TTYH2: variants seen among roughly 807,000 people sequenced by gnomAD.
TTYH2 encodes tweety family member 2.
In TTYH2, 49 loss-of-function variants were observed where a neutral mutation model predicts 68.3. That is an observed-to-expected ratio of 0.72 (90% confidence interval 0.57 to 0.91). TTYH2 has a LOEUF of 0.91. Among genes scored for constraint, TTYH2 ranks in the 40% least tolerant of loss-of-function variants. The pLI, the probability that TTYH2 is intolerant of heterozygous loss-of-function variation, is 0.00. For missense variants in TTYH2, 631 were observed against 700.4 expected, an observed-to-expected ratio of 0.90 and a Z score of 1.12; for synonymous variants, 272 against 300.8, an observed-to-expected ratio of 0.90 and a Z score of 0.99.
Position 74,222,788 on chromosome 17 carries a change from C to A in TTYH2, c.302+131C>A. ...GCTTGTCCCCAGATGAATGTTGTCC[C>A]TTTTTTTTTTTTTACCAAGCATCAG... On this transcript the variant is annotated intron_variant, in intron 2 of 13. Transcript: ENST00000269346. This position sits in a 1 kb window ranked among gnomAD's most constrained non-coding sequence, Gnocchi z 5.2. 1.1e-6 allele frequency: 1 copy of A among 936,160 alleles called. No individual in the cohort carries two copies. Among genetic ancestry groups the A allele is most frequent in the Non-Finnish European group, 1.5e-6 (1 of 680,970 alleles). 58.0% of individuals were successfully genotyped at this position (936,160 alleles called of 1,614,324 possible). A position where few individuals can be genotyped will look rare whatever the true frequency, so the allele number is the denominator to read the frequency against.
Position 74,253,925 on chromosome 17 carries a change from A to C in TTYH2, c.1524+92A>C. ...TGAATCCTGTCCACAAAGGCAGAAA[A>C]GAATGAAACTGTTCTGTTATTGAAT... On this transcript the variant is annotated intron_variant, in intron 13 of 13. Transcript: ENST00000269346. 4.5e-6 allele frequency: 6 copies of C among 1,340,014 alleles called. No homozygotes were observed. The East Asian group carries it at 1.4e-4, about 31-fold the overall frequency. The allele number at this position is 1,340,014 out of a possible 1,614,324, so 83.0% of individuals were successfully genotyped here.
At position 74,236,198 on chromosome 17, in the gene TTYH2, G is replaced by T. The variant is rs552525628; in HGVS notation, c.415-1096G>T. On this transcript the variant is annotated intron_variant, in intron 3 of 13. Coordinates refer to ENST00000269346, the MANE Select transcript of TTYH2 (RefSeq NM_032646.6). Reference sequence around the variant, plus strand: ...ATGTGAATACAAGGAGAAGGCGCCGGTTTCCTCCTCCTGCCTCATGTCCAG... The same window carrying T: ...ATGTGAATACAAGGAGAAGGCGCCGTTTTCCTCCTCCTGCCTCATGTCCAG... Among the ~76,000 whole-genome samples, 40 of 152,276 alleles carry T rather than the reference G, an allele frequency of 2.6e-4. 2 individuals carry two copies. In the South Asian group the frequency reaches 4.1e-3, roughly 16 times the overall value.
intron 1 of TTYH2, among the ~76,000 whole-genome samples, chr17:74,220,350 A>G (rs927629111): frequency 8.5e-5 from 13 of 152,234 alleles, no homozygotes; most frequent in African/African-American, 2.7e-4. Flanking sequence ...ACACTAATCC[A>G]GTGCTGCCCA....
chr17:74,223,384 C>G (rs2050298571), intron 2 of TTYH2, among the ~76,000 whole-genome samples: 1 of 152,058 alleles, frequency 6.6e-6, no homozygotes, highest in Non-Finnish European at 1.5e-5. Flanking sequence ...CCTCAGCCTC[C>G]AAAAGTGCTG....
rs1028823559 is a variant in TTYH2, at chr17:74,232,435, C to T, written c.414+1436C>T. Among the ~76,000 whole-genome samples the T allele has an allele frequency of 1.3e-5, 2 of 152,194 alleles. No individual in the cohort carries two copies. Among genetic ancestry groups the T allele is most frequent in the African/African-American group, 4.8e-5 (2 of 41,460 alleles). ...ACTGGGACCCATCCCCTTAGCTGAG[C>T]GCTGAGTCCCAGTGCGGAGATGCTA... On this transcript the variant is annotated intron_variant, in intron 3 of 13. Transcript: ENST00000269346. This position sits in a 1 kb window ranked among gnomAD's most constrained non-coding sequence, Gnocchi z 5.1.
intron 6 of TTYH2, 45 bp from the exon 7 acceptor site, chr17:74,248,966 T>G: frequency 6.2e-7 from 1 of 1,613,670 alleles, no homozygotes; most frequent in Non-Finnish European, 8.5e-7. Context: ...CCCGCTGTCC[T>G]GATACCTGAT....
At position 74,217,013 on chromosome 17, in the gene TTYH2, A is replaced by C. The variant is rs992473733; in HGVS notation, c.129+3297A>C. ...TGTCCACTGGGCAGTGTTGGGGAGA[A>C]GGGAATGGGCACCTGGCACTGAATC... On this transcript the variant is annotated intron_variant, in intron 1 of 13. Coordinates refer to ENST00000269346, the MANE Select transcript of TTYH2 (RefSeq NM_032646.6). This position sits in a 1 kb window ranked among gnomAD's most constrained non-coding sequence, Gnocchi z 4.0. Among the ~76,000 whole-genome samples the C allele has an allele frequency of 4.6e-5, 7 of 152,232 alleles. No individual in the cohort carries two copies. Among genetic ancestry groups the C allele is most frequent in the Non-Finnish European group, 1.0e-4 (7 of 68,038 alleles).
intron 1 of TTYH2, among the ~76,000 whole-genome samples, chr17:74,221,009 G>C (rs767924901): frequency 6.6e-6 from 1 of 152,066 alleles, no homozygotes; most frequent in Non-Finnish European, 1.5e-5. Flanking sequence ...GCCCAGACTG[G>C]TCCTGAACTC....
In TTYH2 at chr17:74,261,334, G is replaced by A. The variant is rs906250324; in HGVS notation, c.*1125G>A. 3 of 152,214 alleles carry A rather than the reference G, an allele frequency of 2.0e-5. No individual in the cohort carries two copies. The highest frequency in any genetic ancestry group is 4.4e-5 in the Non-Finnish European group (3 of 68,060). The allele number at this position is 152,214 out of a possible 1,614,324, so 9.4% of individuals were successfully genotyped here. On this transcript the variant is annotated 3_prime_UTR_variant, in exon 14 of 14. Coordinates refer to ENST00000269346, the MANE Select transcript of TTYH2 (RefSeq NM_032646.6). ...AAAGCCAGAGTTCCCTGTTCTAGGG[G>A]ACTAGCCAAATGCCTACATCAGCTG... is the stretch of plus-strand genomic sequence containing the variant.
chr17:74,216,104 GA>G (rs2050219839), intron 1 of TTYH2, among the ~76,000 whole-genome samples: 1 of 152,206 alleles, frequency 6.6e-6, no homozygotes, highest in African/African-American at 2.4e-5. Flanking sequence ...GCCTAGTACA[GA>G]GAGTCCCATA....
Position 74,261,077 on chromosome 17 carries a change from T to C in TTYH2, c.*868T>C, listed in dbSNP as rs2143794966. 1 of 152,762 alleles carries C rather than the reference T, an allele frequency of 6.5e-6. No individual in the cohort carries two copies. Among genetic ancestry groups the C allele is most frequent in the Admixed American group, 6.5e-5 (1 of 15,298 alleles). The allele number at this position is 152,762 out of a possible 1,614,324, so 9.5% of individuals were successfully genotyped here. A position where few individuals can be genotyped will look rare whatever the true frequency, so the allele number is the denominator to read the frequency against. The stretch of plus-strand genomic sequence containing the variant: ...CCAAAGAATTGAAACTCCTAGCACA[T>C]CCAGTTTTTACAACAGATTTGCAGC... On this transcript the variant is annotated 3_prime_UTR_variant, in exon 14 of 14. Coordinates refer to ENST00000269346, the MANE Select transcript of TTYH2 (RefSeq NM_032646.6).
Position 74,222,501 on chromosome 17 carries a change from G to A in TTYH2, c.146G>A (p.Gly49Glu), listed in dbSNP as rs1350456956. 1.2e-6 allele frequency: 2 copies of A among 1,610,386 alleles called. No homozygotes were observed. The highest frequency in any genetic ancestry group is 2.2e-5 in the East Asian group (1 of 44,874). Reference sequence around the variant, plus strand: ...CTCTTCCAGTCGCTGCTGTTCCTGGGGCTGGTGGCCGCCGTCTGCCTGGGC... The same window carrying A: ...CTCTTCCAGTCGCTGCTGTTCCTGGAGCTGGTGGCCGCCGTCTGCCTGGGC... Reference protein sequence around the residue: ...ESYQESLLFLGLVAAVCLGLN... With the variant: ...ESYQESLLFLELVAAVCLGLN... Residue 49 changes from glycine to glutamate, a missense_variant, in exon 2 of 14, where the codon GGG becomes GAG. Transcript: ENST00000269346. This position sits in a 1 kb window ranked among gnomAD's most constrained non-coding sequence, Gnocchi z 5.2.
At chr17:74,220,363 C>T (rs1245785392) in intron 1 of TTYH2, among the ~76,000 whole-genome samples, 1 of 152,214 alleles carries the variant, frequency 6.6e-6, no homozygotes, top group African/African-American at 2.4e-5. Context: ...GCTGCCCAGA[C>T]TTTAATGGAA....
rs1216979529 is a variant in TTYH2, at chr17:74,215,482, T to C, written c.129+1766T>C. ...TGAACCTACCTCCAGCCTCTGCCCC[T>C]CCTCCCAGGATTCTGGCCCCGGCTC... is the stretch of plus-strand genomic sequence containing the variant. On this transcript the variant is annotated intron_variant, in intron 1 of 13. Transcript: ENST00000269346. The surrounding 1 kb of genome is among the most constrained non-coding windows in gnomAD (Gnocchi z 4.3). 1.4e-6 allele frequency: 1 copy of C among 706,270 alleles called. No homozygotes were observed. Among genetic ancestry groups the C allele is most frequent in the Non-Finnish European group, 2.3e-6 (1 of 430,788 alleles). The allele number at this position is 706,270 out of a possible 1,614,324, so 43.8% of individuals were successfully genotyped here. A position where few individuals can be genotyped will look rare whatever the true frequency, so the allele number is the denominator to read the frequency against.
intron 11 of TTYH2, 143 bp downstream of exon 11, chr17:74,252,519 T>C: frequency 4.6e-6 from 5 of 1,089,642 alleles, no homozygotes; most frequent in Non-Finnish European, 6.4e-6. Context: ...CCCAACAGGC[T>C]GGCTGACTTC....
intron 2 of TTYH2, among the ~76,000 whole-genome samples, chr17:74,227,679 T>C (rs61679163): frequency 1.8e-3 from 269 of 152,050 alleles, no homozygotes; most frequent in African/African-American, 6.1e-3. Context: ...ACTTATGCAG[T>C]GGATTTCTAA....
intron 3 of TTYH2, among the ~76,000 whole-genome samples, chr17:74,235,882 C>T (rs1193119703): frequency 2.2e-5 from 3 of 136,932 alleles, no homozygotes; most frequent in East Asian, 4.2e-4. Flanking sequence ...TGACACAGAG[C>T]GAGACTCCAT....
At chr17:74,249,173 C>A in intron 7 of TTYH2, 93 bp downstream of exon 7, 1 of 1,578,280 alleles carries the variant, frequency 6.3e-7, no homozygotes, top group South Asian at 1.1e-5. Flanking sequence ...GCCATCCAAC[C>A]CCTCCTCAAC....
In TTYH2 at chr17:74,215,518, G is replaced by A; in HGVS notation, c.129+1802G>A. 2.0e-6 allele frequency: 2 copies of A among 992,190 alleles called. No homozygotes were observed. The highest frequency in any genetic ancestry group is 3.1e-4 in the Middle Eastern group (1 of 3,188). 61.5% of individuals were successfully genotyped at this position (992,190 alleles called of 1,614,324 possible). On this transcript the variant is annotated intron_variant, in intron 1 of 13. Coordinates refer to ENST00000269346, the MANE Select transcript of TTYH2 (RefSeq NM_032646.6). This position sits in a 1 kb window ranked among gnomAD's most constrained non-coding sequence, Gnocchi z 4.3. Reference sequence around the variant, plus strand: ...TTCTGGCCCCGGCTCACTTTGTGCTGGGCATCAAATGGTTCCAGAGGGTGT... The same window carrying A: ...TTCTGGCCCCGGCTCACTTTGTGCTAGGCATCAAATGGTTCCAGAGGGTGT...
Sources: gnomAD v4.1 joint callset for allele counts (sites outside exome capture counted in the v4.1 genomes callset) on GRCh38, gnomAD v4.1.1 for gene constraint, Gnocchi (gnomAD v3.1) non-coding constraint, MANE v1.5 for transcripts, NCBI Gene and HGNC (gene_info 2026-07-23, HGNC 2026-07-21) for gene names.